GMDS: variants seen among roughly 807,000 people sequenced by gnomAD.
The protein encoded by GMDS is GDP-mannose 4,6-dehydratase.
A neutral mutation model predicts 49.9 loss-of-function variants in GMDS; 20 were observed. The observed-to-expected ratio is 0.40, with a 90% CI of 0.28 to 0.58. The LOEUF (loss-of-function observed/expected upper bound fraction) is 0.58, where lower values mean the gene tolerates loss of function less well. GMDS is among the 20% of genes least tolerant of loss of function. The pLI is 0.42. For synonymous variants in GMDS, 177 were observed against 178.6 expected (o/e 0.99, Z 0.07); for missense variants, 362 against 481.4 (o/e 0.75, Z 2.32).
chr6:1,834,998 T>A (rs1370106946), intron 7 of GMDS, among the ~76,000 whole-genome samples: 2 of 152,252 alleles, frequency 1.3e-5, no homozygotes, highest in Non-Finnish European at 2.9e-5. Context: ...GCAAATCACA[T>A]GATAGATTTA....
chr6:1,843,109 C>CAAATGAAATA (rs1554125675), intron 7 of GMDS, among the ~76,000 whole-genome samples: 4 of 137,168 alleles, frequency 2.9e-5, no homozygotes, highest in African/African-American at 1.1e-4. Flanking sequence ...GACCCTGCAT[C>CAAATGAAATA]AAATAAAATA....
In GMDS at chr6:1,988,039, T is replaced by C. The variant is rs1248400140; in HGVS notation, c.346-27073A>G. Reference sequence around the variant, plus strand: ...AAACAACCAAACCACCAACAACACATACACATACATGCATATGCACAGCCC... The same window carrying C: ...AAACAACCAAACCACCAACAACACACACACATACATGCATATGCACAGCCC... On this transcript the variant is annotated intron_variant, in intron 4 of 10. Coordinates refer to ENST00000380815, the MANE Select transcript of GMDS (RefSeq NM_001500.4). Among the ~76,000 whole-genome samples, 3 of 152,148 alleles carry C rather than the reference T, an allele frequency of 2.0e-5. 1 individual carries two copies. Among genetic ancestry groups the C allele is most frequent in the South Asian group, 4.1e-4 (2 of 4,824 alleles).
intron 9 of GMDS, among the ~76,000 whole-genome samples, chr6:1,682,157 A>T (rs2113310116): frequency 6.6e-6 from 1 of 152,294 alleles, no homozygotes. Flanking sequence ...TTAAATACCT[A>T]TGTTTTACCT....
chr6:1,923,690 G>A (rs1043653806), intron 7 of GMDS, among the ~76,000 whole-genome samples: 10 of 152,212 alleles, frequency 6.6e-5, no homozygotes, highest in African/African-American at 2.2e-4. Flanking sequence ...AGTAAACGGA[G>A]CACCCTGTCA....
chr6:2,012,122 G>C (rs763038696), intron 4 of GMDS, among the ~76,000 whole-genome samples: 8 of 152,168 alleles, frequency 5.3e-5, no homozygotes, highest in Non-Finnish European at 7.4e-5. Context: ...AGGGCAGGAG[G>C]GGGGTGAGGG....
intron 4 of GMDS, among the ~76,000 whole-genome samples, chr6:2,074,509 T>C (rs1772206384): frequency 6.6e-6 from 1 of 152,190 alleles, no homozygotes; most frequent in Non-Finnish European, 1.5e-5. Context: ...TGCTTTTTAG[T>C]TTAATATAGT....
chr6:1,985,816 C>T (rs77116580), intron 4 of GMDS, among the ~76,000 whole-genome samples: 111 of 152,002 alleles, frequency 7.3e-4, no homozygotes, highest in Admixed American at 9.8e-4. Flanking sequence ...AAGGAAGAGG[C>T]GGGCTACTAA....
At chr6:1,883,141 C>T (rs1394139947) in intron 7 of GMDS, among the ~76,000 whole-genome samples, 1 of 152,074 alleles carries the variant, frequency 6.6e-6, no homozygotes, top group African/African-American at 2.4e-5. Flanking sequence ...GGTGGCAATC[C>T]CAGCACTTTG....
chr6:1,670,128 G>A (rs192321066), intron 9 of GMDS, among the ~76,000 whole-genome samples: 29 of 151,996 alleles, frequency 1.9e-4, no homozygotes, highest in African/African-American at 5.8e-4. Flanking sequence ...AGAGCGCTGC[G>A]CACGTGCACC....
chr6:1,724,417 C>A (rs770593962), intron 9 of GMDS, among the ~76,000 whole-genome samples: 8 of 152,100 alleles, frequency 5.3e-5, no homozygotes, highest in Non-Finnish European at 1.0e-4. Context: ...GGGTCCTTTT[C>A]CTGTTCAGTG....
intron 7 of GMDS, among the ~76,000 whole-genome samples, chr6:1,844,633 C>T (rs6941217): frequency 0.028 from 4,217 of 151,704 alleles, 186 homozygotes; most frequent in African/African-American, 0.096. Flanking sequence ...TTTCCTGGAT[C>T]TGAGAAAAAA....
At chr6:1,905,704 A>C (rs1187035456) in intron 7 of GMDS, among the ~76,000 whole-genome samples, 3 of 134,734 alleles carry the variant, frequency 2.2e-5, no homozygotes, top group African/African-American at 6.1e-5. Flanking sequence ...GTGCATCTGC[A>C]TGTGGGGCCA....
At chr6:2,005,103 C>G (rs1767075241) in intron 4 of GMDS, among the ~76,000 whole-genome samples, 1 of 152,118 alleles carries the variant, frequency 6.6e-6, no homozygotes, top group Non-Finnish European at 1.5e-5. Flanking sequence ...AACATTCTTG[C>G]TAAAATCTTG....
At chr6:1,761,397 G>C (rs1355351109) in intron 7 of GMDS, among the ~76,000 whole-genome samples, 2 of 152,190 alleles carry the variant, frequency 1.3e-5, no homozygotes, top group African/African-American at 4.8e-5. Flanking sequence ...ATCAGGTACT[G>C]AGAATGAACA....
chr6:1,747,829 A>G (rs1767570521), intron 7 of GMDS, among the ~76,000 whole-genome samples: 1 of 151,024 alleles, frequency 6.6e-6, no homozygotes, highest in Non-Finnish European at 1.5e-5. Context: ...GTGTGAAACC[A>G]AAGTCTGGCC....
At chr6:2,139,906 T>C (rs1258817730) in intron 1 of GMDS, among the ~76,000 whole-genome samples, 1 of 152,148 alleles carries the variant, frequency 6.6e-6, no homozygotes, top group Admixed American at 6.5e-5. Context: ...AGACTTGAGC[T>C]GCGTAGTCCA....
chr6:1,787,986 G>C (rs1769388569), intron 7 of GMDS, among the ~76,000 whole-genome samples: 1 of 152,150 alleles, frequency 6.6e-6, no homozygotes, highest in African/African-American at 2.4e-5. Flanking sequence ...GGCAGACTGG[G>C]AGCCCAGACC....
chr6:1,761,411 A>AT (rs1044658623), intron 7 of GMDS, among the ~76,000 whole-genome samples: 1 of 152,182 alleles, frequency 6.6e-6, no homozygotes, highest in Non-Finnish European at 1.5e-5. Context: ...ATGAACATTT[A>AT]TTTTTTGGTG....
Position 1,999,271 on chromosome 6 carries a change from G to A in GMDS, c.346-38305C>T, listed in dbSNP as rs543372775. Among the ~76,000 whole-genome samples the A allele has an allele frequency of 8.8e-5, 13 of 146,958 alleles. No individual in the cohort carries two copies. The South Asian group carries it at 1.5e-3, about 17-fold the overall frequency. On this transcript the variant is annotated intron_variant, in intron 4 of 10. Transcript: ENST00000380815. ...AGGGAGTTGGAGGCTGCAGTGAGCC[G>A]AGACTGCACCACTGTACTACAGCCT...
Sources: gnomAD v4.1 joint callset for allele counts (sites outside exome capture counted in the v4.1 genomes callset) on GRCh38, gnomAD v4.1.1 for gene constraint, MANE v1.5 for transcripts, NCBI Gene and HGNC (gene_info 2026-07-23, HGNC 2026-07-21) for gene names.